TNRC18: variants seen among roughly 807,000 people sequenced by gnomAD.
The protein encoded by TNRC18 is trinucleotide repeat-containing gene 18 protein.
A neutral mutation model predicts 226.7 loss-of-function variants in TNRC18; 69 were observed. The observed-to-expected ratio is 0.30, with a 90% confidence interval of 0.25 to 0.37. The LOEUF is 0.37. Among genes scored for constraint, TNRC18 ranks in the 10% least tolerant of loss-of-function variants. The pLI, the probability that TNRC18 is intolerant of heterozygous loss-of-function variation, is 1.00. For synonymous variants in TNRC18, 2,449 were observed against 1,927.6 expected (o/e 1.27, Z -7.09); for missense variants, 4,754 against 4,256.6 (o/e 1.12, Z -3.25).
chr7:5,379,588 C>T (rs370088339), intron 5 of TNRC18, among the ~76,000 whole-genome samples: 2 of 152,130 alleles, frequency 1.3e-5, no homozygotes, highest in East Asian at 1.9e-4. Flanking sequence ...GGACAGGGAG[C>T]GGCGGAGTGG....
chr7:5,417,252 G>A (rs1782251344), intron 2 of TNRC18, among the ~76,000 whole-genome samples: 1 of 152,080 alleles, frequency 6.6e-6, no homozygotes, highest in Non-Finnish European at 1.5e-5. Flanking sequence ...AGGATTACTT[G>A]AGCCCAGGAG....
chr7:5,308,592 T>TGAAA (rs1786838677), intron 29 of TNRC18, among the ~76,000 whole-genome samples: 1 of 150,334 alleles, frequency 6.7e-6, no homozygotes, highest in African/African-American at 2.5e-5. Flanking sequence ...ACACAGAGAC[T>TGAAA]GAAAGATAGA....
chr7:5,361,117 G>A (rs1291611314), intron 14 of TNRC18, among the ~76,000 whole-genome samples: 1 of 152,164 alleles, frequency 6.6e-6, no homozygotes, highest in African/African-American at 2.4e-5. Context: ...ACAAGGCTGC[G>A]ACCGCCGCCC....
intron 12 of TNRC18, 106 bp downstream of exon 12, chr7:5,362,544 C>G: frequency 8.0e-6 from 9 of 1,129,770 alleles, no homozygotes; most frequent in African/African-American, 1.6e-5. Flanking sequence ...TCAGGCCTCT[C>G]TGGCGCCAAA....
chr7:5,379,010 A>G (rs1038617750), intron 5 of TNRC18, among the ~76,000 whole-genome samples: 2 of 151,876 alleles, frequency 1.3e-5, no homozygotes, highest in East Asian at 2.0e-4. Context: ...CCTGGCCAAC[A>G]TGGCAAAACA....
At chr7:5,315,879 A>G (rs1218830884) in intron 25 of TNRC18, 77 bp downstream of exon 25, 1 of 1,119,846 alleles carries the variant, frequency 8.9e-7, no homozygotes, top group Non-Finnish European at 1.2e-6. Context: ...GACAGAGCTC[A>G]GAGCCGGGCT....
At chr7:5,328,310 C>T (rs1451442709) in intron 19 of TNRC18, among the ~76,000 whole-genome samples, 4 of 152,088 alleles carry the variant, frequency 2.6e-5, no homozygotes, top group Non-Finnish European at 5.9e-5. Context: ...ACTGCTTGAG[C>T]CCAGGAGTTC....
intron 2 of TNRC18, among the ~76,000 whole-genome samples, chr7:5,407,646 C>T (rs1035306634): frequency 2.0e-5 from 3 of 152,204 alleles, no homozygotes; most frequent in Admixed American, 6.5e-5. Flanking sequence ...AATAAGTGTT[C>T]GAATTTAAAT....
intron 26 of TNRC18, among the ~76,000 whole-genome samples, chr7:5,314,557 TCTC>T (rs1426844817): frequency 1.1e-4 from 16 of 143,010 alleles, no homozygotes; most frequent in Non-Finnish European, 1.8e-4. Context: ...GGTGCAGAGT[TCTC>T]TTCTTTTTTT....
intron 2 of TNRC18, among the ~76,000 whole-genome samples, chr7:5,401,776 C>T (rs7810435): frequency 6.6e-6 from 1 of 152,044 alleles, no homozygotes; most frequent in African/African-American, 2.4e-5. Context: ...TGCTGCACAT[C>T]GGAGGTACTC....
intron 18 of TNRC18, among the ~76,000 whole-genome samples, chr7:5,336,226 T>G (rs921897741): frequency 1.4e-5 from 2 of 146,298 alleles, no homozygotes; most frequent in Non-Finnish European, 3.0e-5. Flanking sequence ...AAAAAAAAAT[T>G]ACTAGACAAA....
rs746151172 is a variant in TNRC18 at position 5,313,049 on chromosome 7, G to A, written c.7842C>T (p.Ser2614=). 4.0e-6 allele frequency: 4 copies of A among 1,001,070 alleles called. No homozygotes were observed. In the South Asian group the frequency reaches 4.1e-5, roughly 10 times the overall value. 62.0% of individuals were successfully genotyped at this position (1,001,070 alleles called of 1,614,324 possible). A position where few individuals can be genotyped will look rare whatever the true frequency, so the allele number is the denominator to read the frequency against. The change falls in exon 27 of 30, where the codon TCC becomes TCT. Residue 2614 remains serine, a synonymous_variant. Coordinates refer to ENST00000430969, the MANE Select transcript of TNRC18 (RefSeq NM_001080495.3). ...AASSRAASPA[S]SSSSSSSSSS... ...AGGAGGAGGATGAGGAGGAGGAGGA[G>A]GAGGCCGGTGAGGCCGCCCTGGAGC...
Position 5,361,584 on chromosome 7 carries a change from CCA to C in TNRC18, c.4661+8_4661+9del, listed in dbSNP as rs1491439342. 6.6e-7 allele frequency: 1 copy of C among 1,505,778 alleles called. No homozygotes were observed. The highest frequency in any genetic ancestry group is 8.9e-7 in the Non-Finnish European group (1 of 1,126,080). 93.3% of individuals were successfully genotyped at this position (1,505,778 alleles called of 1,614,324 possible). On this transcript the variant is annotated splice_region_variant and intron_variant, in intron 14 of 29. Coordinates refer to ENST00000430969, the MANE Select transcript of TNRC18 (RefSeq NM_001080495.3). Reference sequence around the variant, plus strand: ...TGCCAGTCCCCGACCCACCGAGGGGCCAGCCTTACTTTCCGCTACTGTGGCCG... The same window carrying C: ...TGCCAGTCCCCGACCCACCGAGGGGCGCCTTACTTTCCGCTACTGTGGCCG...
At chr7:5,342,556 G>A (rs1462887871) in intron 18 of TNRC18, among the ~76,000 whole-genome samples, 2 of 152,218 alleles carry the variant, frequency 1.3e-5, no homozygotes, top group Admixed American at 6.6e-5. Context: ...AAGTTAGAGT[G>A]GAGCCTGGAG....
In TNRC18 at chr7:5,388,470, C is replaced by T. The variant is rs574782018; in HGVS notation, c.1354G>A (p.Ala452Thr). The change falls in exon 5 of 30, where the codon GCC (alanine) becomes ACC (threonine). Residue 452 changes from alanine to threonine, a missense_variant. Ala to Thr is a moderately conservative substitution (Grantham distance 58). Coordinates refer to ENST00000430969, the MANE Select transcript of TNRC18 (RefSeq NM_001080495.3). ...ADAPTVRATR[A>T]SPDPRAYVPA... ...ACGTAGGCGCGGGGGTCCGGGGAGGCGCGTGTGGCCCGCACCGTGGGGGCA... is the reference window on the plus strand; with the variant it reads ...ACGTAGGCGCGGGGGTCCGGGGAGGTGCGTGTGGCCCGCACCGTGGGGGCA... 7.1e-5 allele frequency: 101 copies of T among 1,421,408 alleles called. No homozygotes were observed. The Admixed American group carries it at 3.4e-3, about 47-fold the overall frequency. The allele number at this position is 1,421,408 out of a possible 1,614,324, so 88.0% of individuals were successfully genotyped here.
At chr7:5,376,326 G>A (rs979356163) in intron 8 of TNRC18, 102 bp from the exon 9 acceptor site, 18 of 1,079,310 alleles carry the variant, frequency 1.7e-5, no homozygotes, top group Admixed American at 3.2e-5. Context: ...CACCCACACA[G>A]TGGGGAGCTG....
At chr7:5,381,333 C>T (rs1203070650) in intron 5 of TNRC18, among the ~76,000 whole-genome samples, 1 of 152,150 alleles carries the variant, frequency 6.6e-6, no homozygotes, top group Non-Finnish European at 1.5e-5. Flanking sequence ...GGGACCTGGC[C>T]GGCCTCTCGA....
chr7:5,340,075 C>T (rs551264818), intron 18 of TNRC18, among the ~76,000 whole-genome samples: 4 of 152,226 alleles, frequency 2.6e-5, no homozygotes, highest in Admixed American at 6.5e-5. Flanking sequence ...CACTTTAAAT[C>T]GAAAGCTAGA....
Position 5,321,150 on chromosome 7 carries a change from G to A in TNRC18, c.6483C>T (p.Asp2161=), listed in dbSNP as rs373155350. 44 of 1,553,632 alleles carry A rather than the reference G, an allele frequency of 2.8e-5. No homozygotes were observed. Among genetic ancestry groups the A allele is most frequent in the Admixed American group, 9.7e-5 (5 of 51,612 alleles). ...SCIIDKDELK[D]GLRVLIPMDD... ...CCATGGGGATGAGCACACGCAGGCC[G>A]TCCTTCAGCTCATCCTTGTCGATGA... Residue 2161 remains aspartate (D), a synonymous_variant, in exon 22 of 30, where the codon GAC becomes GAT. Coordinates refer to ENST00000430969, the MANE Select transcript of TNRC18 (RefSeq NM_001080495.3).
Sources: gnomAD v4.1 joint callset for allele counts (sites outside exome capture counted in the v4.1 genomes callset) on GRCh38, gnomAD v4.1.1 for gene constraint, MANE v1.5 for transcripts, NCBI Gene and HGNC (gene_info 2026-07-23, HGNC 2026-07-21) for gene names.